Variants in CDH2 observed in about 807,000 individuals in gnomAD.
CDH2 encodes the protein cadherin 2.
A neutral mutation model predicts 92.0 loss-of-function variants in CDH2; 17 were observed. That is an observed-to-expected ratio of 0.18 (90% CI 0.13 to 0.28). The LOEUF is 0.28. CDH2 is among the 10% of genes least tolerant of loss of function. The probability of loss-of-function intolerance (pLI) is 1.00; values close to 1 mark genes in which losing one functional copy is unlikely to be tolerated. For missense variants in CDH2, 862 were observed against 1,133.1 expected (o/e 0.76, Z 3.44); for synonymous variants, 419 against 415.9 (o/e 1.01, Z -0.09).
rs1484499274 is a variant in CDH2, at chr18:27,951,167, T to A, written c.*986A>T. 2 of 151,588 alleles carry A rather than the reference T, an allele frequency of 1.3e-5. No individual in the cohort carries two copies. The highest frequency in any genetic ancestry group is 2.9e-5 in the Non-Finnish European group (2 of 67,830). The allele number at this position is 151,588 out of a possible 1,614,324, so 9.4% of individuals were successfully genotyped here. ...CACCCCTTTCTTTCCTTTCCTTTTTTTTTTTTTTTGGTACAAATTATGTAA... is the reference window on the plus strand; with the variant it reads ...CACCCCTTTCTTTCCTTTCCTTTTTATTTTTTTTTGGTACAAATTATGTAA... On this transcript the variant is annotated 3_prime_UTR_variant, in exon 16 of 16. Transcript: ENST00000269141.
At chr18:28,075,550 T>A (rs2014703461) in intron 2 of CDH2, among the ~76,000 whole-genome samples, 1 of 152,152 alleles carries the variant, frequency 6.6e-6, no homozygotes, top group Non-Finnish European at 1.5e-5. Context: ...CAGCAGGTCA[T>A]CCTCATCAGG....
intron 1 of CDH2, 115 bp downstream of exon 1, chr18:28,176,847 TG>T: frequency 2.5e-6 from 1 of 401,374 alleles, no homozygotes; most frequent in African/African-American, 2.3e-5. Context: ...CGGCGCGGCG[TG>T]GCACCTCCCT....
intron 6 of CDH2, among the ~76,000 whole-genome samples, chr18:27,938,362 A>G (rs1909067396): frequency 6.6e-6 from 1 of 152,180 alleles, no homozygotes; most frequent in African/African-American, 2.4e-5. Context: ...AACCACCCAC[A>G]TAGTATTCAT....
intron 14 of CDH2, among the ~76,000 whole-genome samples, chr18:27,964,864 CAAGACTG>C (rs890316721): frequency 7.2e-5 from 11 of 152,170 alleles, no homozygotes; most frequent in African/African-American, 2.6e-4. Flanking sequence ...ATGAGTAAAT[CAAGACTG>C]AGTTACAAGG....
intron 5 of CDH2, among the ~76,000 whole-genome samples, chr18:28,006,516 G>A (rs2012923198): frequency 6.6e-6 from 1 of 151,720 alleles, no homozygotes; most frequent in Admixed American, 6.6e-5. Context: ...TCAGGAGTTT[G>A]AGACCAGCCT....
intron 2 of CDH2, among the ~76,000 whole-genome samples, chr18:28,061,786 T>A (rs1298546445): frequency 6.6e-6 from 1 of 152,168 alleles, no homozygotes; most frequent in Non-Finnish European, 1.5e-5. Flanking sequence ...ATGTCTTACA[T>A]GGCGGCAGGC....
At chr18:28,060,596 T>C (rs1396534337) in intron 2 of CDH2, among the ~76,000 whole-genome samples, 1 of 152,228 alleles carries the variant, frequency 6.6e-6, no homozygotes, top group Non-Finnish European at 1.5e-5. Context: ...CACTTGATTC[T>C]TTCTCTTTAT....
chr18:28,118,898 T>C (rs1308553546), intron 2 of CDH2, among the ~76,000 whole-genome samples: 1 of 152,074 alleles, frequency 6.6e-6, no homozygotes, highest in Non-Finnish European at 1.5e-5. Flanking sequence ...GTATACTTTG[T>C]TATGTTAAAA....
At chr18:28,044,236 G>A (rs1341612019) in intron 2 of CDH2, among the ~76,000 whole-genome samples, 1 of 152,072 alleles carries the variant, frequency 6.6e-6, no homozygotes, top group Non-Finnish European at 1.5e-5. Flanking sequence ...TTTGAACAGA[G>A]GTAAATAAAG....
At chr18:28,133,424 A>C (rs1472932688) in intron 2 of CDH2, among the ~76,000 whole-genome samples, 2 of 151,872 alleles carry the variant, frequency 1.3e-5, no homozygotes, top group African/African-American at 2.4e-5. Context: ...TCTACTAAAA[A>C]TACAAAAAAT....
chr18:28,167,512 A>G (rs1193910556), intron 1 of CDH2, among the ~76,000 whole-genome samples: 1 of 152,136 alleles, frequency 6.6e-6, no homozygotes, highest in Non-Finnish European at 1.5e-5. Flanking sequence ...CTGCGTACTG[A>G]GTGGAAGATG....
intron 1 of CDH2, among the ~76,000 whole-genome samples, chr18:28,171,045 C>T (rs1317940874): frequency 6.6e-6 from 1 of 151,908 alleles, no homozygotes; most frequent in South Asian, 2.1e-4. Flanking sequence ...ACCAGCCTTG[C>T]CAACATGGTG....
At chr18:28,093,742 T>C (rs1367228943) in intron 2 of CDH2, among the ~76,000 whole-genome samples, 1 of 152,240 alleles carries the variant, frequency 6.6e-6, no homozygotes, top group African/African-American at 2.4e-5. Flanking sequence ...TACATTATAC[T>C]GAAAAACTAA....
chr18:28,025,644 ATAGGG>A (rs1255010312), intron 2 of CDH2, among the ~76,000 whole-genome samples: 16 of 151,532 alleles, frequency 1.1e-4, no homozygotes, highest in Non-Finnish European at 2.2e-4. Flanking sequence ...ATACATACTT[ATAGGG>A]TACAGTGTGG....
chr18:28,094,590 C>T lies in CDH2; in HGVS notation c.172+53083G>A, dbSNP rs188560599. On this transcript the variant is annotated intron_variant, in intron 2 of 15. Transcript: ENST00000269141. ...CGGGCGGATCACAAGGTCAGGAGAT[C>T]GAGACCATCCTGGCTAACATGGTGA... is the stretch of plus-strand genomic sequence containing the variant. 5.9e-4 allele frequency among the ~76,000 whole-genome samples: 89 copies of T among 151,746 alleles called. 1 individual carries two copies. The highest frequency in any genetic ancestry group is 1.2e-3 in the Non-Finnish European group (79 of 67,902).
chr18:28,106,198 T>C (rs1021065550), intron 2 of CDH2, among the ~76,000 whole-genome samples: 8 of 152,146 alleles, frequency 5.3e-5, no homozygotes, highest in South Asian at 4.1e-4. Context: ...TGGTGGATCA[T>C]CTGAGGTCAG....
intron 2 of CDH2, among the ~76,000 whole-genome samples, chr18:28,142,836 A>T (rs921780493): frequency 6.6e-6 from 1 of 152,056 alleles, no homozygotes; most frequent in African/African-American, 2.4e-5. Context: ...ACATAAAAAC[A>T]AAAGCCATGC....
At chr18:28,139,672 C>T (rs2015921760) in intron 2 of CDH2, among the ~76,000 whole-genome samples, 2 of 152,022 alleles carry the variant, frequency 1.3e-5, no homozygotes, top group South Asian at 2.1e-4. Context: ...TCACAGCCTA[C>T]TGATTCCTCT....
chr18:28,060,564 A>C (rs1207537187), intron 2 of CDH2, among the ~76,000 whole-genome samples: 4 of 152,192 alleles, frequency 2.6e-5, no homozygotes, highest in Admixed American at 2.6e-4. Flanking sequence ...AAGTACAGTC[A>C]TTCTAGAAAA....
Sources: gnomAD v4.1 joint callset for allele counts (sites outside exome capture counted in the v4.1 genomes callset) on GRCh38, gnomAD v4.1.1 for gene constraint, MANE v1.5 for transcripts, NCBI Gene and HGNC (gene_info 2026-07-23, HGNC 2026-07-21) for gene names.